Variants in ELOC observed in about 807,000 individuals in gnomAD.
The protein encoded by ELOC is elongin C, also known as elongin-C.
For synonymous variants in ELOC, 40 were observed against 51.3 expected, an observed-to-expected ratio of 0.78 and a Z score of 0.94; for missense variants, 38 against 139.0, an observed-to-expected ratio of 0.27 and a Z score of 3.65.
chr8:73,950,098 T>C (rs1813645279), intron 3 of ELOC, among the ~76,000 whole-genome samples: 1 of 150,360 alleles, frequency 6.7e-6, no homozygotes, highest in Admixed American at 6.6e-5. Flanking sequence ...ACAGGGATTT[T>C]TGGAGAAACA....
rs989283476 is a variant in ELOC at position 73,946,323 on chromosome 8, C to A, written c.*307G>T. ...TCCCTGTAGAACGTATTGATTTACA[C>A]CTAAATTTCAGTATTTACTATATCA... On this transcript the variant is annotated 3_prime_UTR_variant, in exon 4 of 4. Coordinates refer to ENST00000520242, the MANE Select transcript of ELOC (RefSeq NM_005648.4). The A allele has an allele frequency of 5.3e-5, 12 of 226,120 alleles. No individual in the cohort carries two copies. The highest frequency in any genetic ancestry group is 2.5e-4 in the African/African-American group (11 of 44,308). The allele number at this position is 226,120 out of a possible 1,614,324, so 14.0% of individuals were successfully genotyped here. A position where few individuals can be genotyped will look rare whatever the true frequency, so the allele number is the denominator to read the frequency against.
intron 1 of ELOC, among the ~76,000 whole-genome samples, chr8:73,962,904 AAT>A (rs1814703372): frequency 6.6e-6 from 1 of 152,236 alleles, no homozygotes; most frequent in African/African-American, 2.4e-5. Flanking sequence ...AAATATTTAA[AAT>A]ATGATTCAGT....
In ELOC at chr8:73,947,694, C is replaced by G. The variant is rs186493286; in HGVS notation, c.149-874G>C. 4.6e-5 allele frequency among the ~76,000 whole-genome samples: 7 copies of G among 152,026 alleles called. No individual in the cohort carries two copies. In the East Asian group the frequency reaches 1.4e-3, roughly 30 times the overall value. ...GCTCAAGTGATCCTCCCACCTCAGC[C>G]TCCTCGAGTAGCTGGGACCACAGGT... On this transcript the variant is annotated intron_variant, in intron 3 of 3. Coordinates refer to ENST00000520242, the MANE Select transcript of ELOC (RefSeq NM_005648.4).
chr8:73,961,385 T>C (rs1340071145), intron 1 of ELOC, among the ~76,000 whole-genome samples: 1 of 152,212 alleles, frequency 6.6e-6, no homozygotes, highest in Non-Finnish European at 1.5e-5. Context: ...TGCCTCAGGT[T>C]TAAATAATGT....
chr8:73,953,574 C>A (rs371921227), intron 3 of ELOC, among the ~76,000 whole-genome samples: 1 of 151,762 alleles, frequency 6.6e-6, no homozygotes, highest in African/African-American at 2.4e-5. Flanking sequence ...GCAGGAGAAT[C>A]GCTTGAACCT....
In ELOC at chr8:73,946,771, A is replaced by C; in HGVS notation, c.198T>G (p.Pro66=). 1 of 1,613,970 alleles carries C rather than the reference A, an allele frequency of 6.2e-7. No homozygotes were observed. Among genetic ancestry groups the C allele is most frequent in the Non-Finnish European group, 8.5e-7 (1 of 1,179,912 alleles). Residue 66 remains proline, a synonymous_variant, in exon 4 of 4, where the codon CCT becomes CCG. Coordinates refer to ENST00000520242, the MANE Select transcript of ELOC (RefSeq NM_005648.4). ...TGCATACTTTCGATAGCACATGTGAAGGTATCTCTCTAAAATTGACCTCAT... is the reference window on the plus strand; with the variant it reads ...TGCATACTTTCGATAGCACATGTGACGGTATCTCTCTAAAATTGACCTCAT... ...ETNEVNFREI[P]SHVLSKVCMY...
intron 1 of ELOC, chr8:73,970,594 G>C (rs1017635819): frequency 6.6e-6 from 1 of 152,098 alleles, no homozygotes; most frequent in Non-Finnish European, 1.5e-5. Context: ...CTGTTTCCTT[G>C]CCATTGTATC....
At chr8:73,966,350 T>C (rs1814968200) in intron 1 of ELOC, among the ~76,000 whole-genome samples, 1 of 151,936 alleles carries the variant, frequency 6.6e-6, no homozygotes, top group East Asian at 1.9e-4. Flanking sequence ...AGGAGAACAG[T>C]CTGGCCAGAT....
At chr8:73,966,639 TTC>T (rs1278701172) in intron 1 of ELOC, among the ~76,000 whole-genome samples, 2 of 151,410 alleles carry the variant, frequency 1.3e-5, no homozygotes, top group East Asian at 1.9e-4. Context: ...CGGCTAAAAT[TTC>T]TTTTTTTTTT....
At chr8:73,947,690 C>T (rs1813470964) in intron 3 of ELOC, among the ~76,000 whole-genome samples, 2 of 151,966 alleles carry the variant, frequency 1.3e-5, no homozygotes, top group South Asian at 4.2e-4. Context: ...CCTCCCACCT[C>T]AGCCTCCTCG....
chr8:73,957,621 G>T (rs1398599024), intron 2 of ELOC, among the ~76,000 whole-genome samples: 1 of 152,082 alleles, frequency 6.6e-6, no homozygotes, highest in Non-Finnish European at 1.5e-5. Flanking sequence ...TGCCAAAAAT[G>T]TTTAATTTGA....
chr8:73,946,567 A>C lies in ELOC; in HGVS notation c.*63T>G. Reference sequence around the variant, plus strand: ...GCAACATGCTATATATGAAAAAGTTACTAACTGAACTACAGGTATTAAATA... The same window carrying C: ...GCAACATGCTATATATGAAAAAGTTCCTAACTGAACTACAGGTATTAAATA... On this transcript the variant is annotated 3_prime_UTR_variant, in exon 4 of 4. Transcript: ENST00000520242. 7.7e-7 allele frequency: 1 copy of C among 1,306,674 alleles called. No homozygotes were observed. Among genetic ancestry groups the C allele is most frequent in the Non-Finnish European group, 1.0e-6 (1 of 966,062 alleles). The allele number at this position is 1,306,674 out of a possible 1,614,324, so 80.9% of individuals were successfully genotyped here. A position where few individuals can be genotyped will look rare whatever the true frequency, so the allele number is the denominator to read the frequency against.
In ELOC at chr8:73,955,835, A is replaced by C. The variant is rs148558156; in HGVS notation, c.148+76T>G. 1.1e-4 allele frequency: 158 copies of C among 1,411,248 alleles called. No homozygotes were observed. The African/African-American group carries it at 2.2e-3, about 19-fold the overall frequency. 87.4% of individuals were successfully genotyped at this position (1,411,248 alleles called of 1,614,324 possible). A position where few individuals can be genotyped will look rare whatever the true frequency, so the allele number is the denominator to read the frequency against. On this transcript the variant is annotated intron_variant, in intron 3 of 3. Coordinates refer to ENST00000520242, the MANE Select transcript of ELOC (RefSeq NM_005648.4). ...GACTTATTTTCTCTTTAAATGCTGA[A>C]TCATTAATTCAACTTAAAAACATCC... is the stretch of plus-strand genomic sequence containing the variant.
chr8:73,964,901 C>T (rs923235814), intron 1 of ELOC, among the ~76,000 whole-genome samples: 1 of 151,880 alleles, frequency 6.6e-6, no homozygotes, highest in South Asian at 2.1e-4. Flanking sequence ...GTGGTGCATA[C>T]CTGTAGCCCA....
intron 3 of ELOC, among the ~76,000 whole-genome samples, chr8:73,951,236 C>A (rs1435982272): frequency 1.3e-5 from 2 of 152,184 alleles, no homozygotes; most frequent in Non-Finnish European, 2.9e-5. Context: ...TGTGCCACTG[C>A]ACTCCAGCCT....
Position 73,946,222 on chromosome 8 carries a change from A to C in ELOC, c.*408T>G, listed in dbSNP as rs1413054107. 1 of 156,940 alleles carries C rather than the reference A, an allele frequency of 6.4e-6. No individual in the cohort carries two copies. Among genetic ancestry groups the C allele is most frequent in the African/African-American group, 2.4e-5 (1 of 41,566 alleles). The allele number at this position is 156,940 out of a possible 1,614,324, so 9.7% of individuals were successfully genotyped here. On this transcript the variant is annotated 3_prime_UTR_variant, in exon 4 of 4. Coordinates refer to ENST00000520242, the MANE Select transcript of ELOC (RefSeq NM_005648.4). ...ATAATGCAATTATTTGCATAACTCT[A>C]GTAATGCTAATGGCGGCTATAAGAT...
chr8:73,961,171 TTAG>T (rs1814566040), intron 1 of ELOC, among the ~76,000 whole-genome samples: 1 of 152,224 alleles, frequency 6.6e-6, no homozygotes, highest in East Asian at 1.9e-4. Context: ...TAACTGTATT[TTAG>T]TAACATACTA....
chr8:73,950,008 G>T (rs1200769656), intron 3 of ELOC, among the ~76,000 whole-genome samples: 2 of 152,056 alleles, frequency 1.3e-5, no homozygotes, highest in Non-Finnish European at 2.9e-5. Flanking sequence ...TATGAGGAGT[G>T]GGGGGTACAA....
rs12676883 is a variant in ELOC, at chr8:73,956,070, T to C, written c.5-16A>G. ...TCCTCTCCATCTAAAGTAAAGTAAG[T>C]AGTGAAACAATTTTTGAGTCACACA... On this transcript the variant is annotated splice_polypyrimidine_tract_variant and intron_variant, in intron 2 of 3. Coordinates refer to ENST00000520242, the MANE Select transcript of ELOC (RefSeq NM_005648.4). The C allele has an allele frequency of 0.14, 217,685 of 1,604,094 alleles. 16,342 individuals are homozygous for C. The highest frequency in any genetic ancestry group is 0.26 in the African/African-American group (19,625 of 74,676).
Sources: gnomAD v4.1 joint callset for allele counts (sites outside exome capture counted in the v4.1 genomes callset) on GRCh38, gnomAD v4.1.1 for gene constraint, MANE v1.5 for transcripts, NCBI Gene and HGNC (gene_info 2026-07-23, HGNC 2026-07-21) for gene names.